The following COL4A5 variants were observed in gnomAD, a reference collection of about 807,000 sequenced individuals.
COL4A5 encodes collagen alpha-5(IV) chain.
A neutral mutation model predicts 130.2 loss-of-function variants in COL4A5; 26 were observed. The ratio of observed to expected loss-of-function variants is 0.20; its 90% CI spans 0.15 to 0.28. The LOEUF (loss-of-function observed/expected upper bound fraction) is 0.28, where lower values mean the gene tolerates loss of function less well. Among genes scored for constraint, COL4A5 ranks in the 10% least tolerant of loss-of-function variants. The pLI, the probability that COL4A5 is intolerant of heterozygous loss-of-function variation, is 1.00. For missense variants in COL4A5, 1,131 were observed against 1,344.3 expected (o/e 0.84, Z 2.48); for synonymous variants, 496 against 439.6 (o/e 1.13, Z -1.60).
chrX:108,520,235 A>G (rs1388664925), intron 1 of COL4A5, among the ~76,000 whole-genome samples: 1 of 111,458 alleles, frequency 9.0e-6, no homozygotes, highest in Admixed American at 9.5e-5. Flanking sequence ...GTTCTAGCTT[A>G]ATTACATTAT....
chrX:108,694,440 A>G, intron 50 of COL4A5: 1 of 228,590 alleles, frequency 4.4e-6, no homozygotes, highest in Non-Finnish European at 8.0e-6. Flanking sequence ...TTTCAGCATT[A>G]CTAAATGTCT....
chrX:108,447,037 A>G (rs887785983), intron 1 of COL4A5, among the ~76,000 whole-genome samples: 9 of 111,468 alleles, frequency 8.1e-5, no homozygotes, highest in Non-Finnish European at 1.7e-4. Flanking sequence ...TAACAGTGGT[A>G]TAACATACTC....
intron 10 of COL4A5, among the ~76,000 whole-genome samples, chrX:108,576,486 G>A (rs1209676404): frequency 1.8e-5 from 2 of 111,663 alleles, no homozygotes; most frequent in African/African-American, 3.3e-5. Flanking sequence ...ATGTGCAACC[G>A]GTTCTCTTAC....
intron 1 of COL4A5, among the ~76,000 whole-genome samples, chrX:108,498,626 T>C (rs2065053462): frequency 9.0e-6 from 1 of 111,371 alleles, no homozygotes; most frequent in Non-Finnish European, 1.9e-5. Context: ...TATATGAGTC[T>C]AGCATATATT....
intron 1 of COL4A5, chrX:108,440,503 T>C: frequency 6.4e-6 from 2 of 312,061 alleles, no homozygotes; most frequent in Non-Finnish European, 1.1e-5. Context: ...CACTAGGCTG[T>C]GGTGGGTATT....
At chrX:108,519,688 C>T (rs2065249016) in intron 1 of COL4A5, among the ~76,000 whole-genome samples, 1 of 110,743 alleles carries the variant, frequency 9.0e-6, no homozygotes, top group South Asian at 3.7e-4. Context: ...TTTATCTTTT[C>T]CCTATAGTTT....
intron 1 of COL4A5, among the ~76,000 whole-genome samples, chrX:108,487,452 A>G (rs1419972953): frequency 9.1e-6 from 1 of 109,382 alleles, no homozygotes; most frequent in Non-Finnish European, 1.9e-5. Flanking sequence ...TCACACCAAC[A>G]TCTATTATTT....
In COL4A5 at chrX:108,440,562, C is replaced by A. The variant is rs148993719; in HGVS notation, c.81+356C>A. ...CACCGTCGGGTGTTTCCCTGCCTGG[C>A]GACTAACCTTTTCACTACTTGTACC... On this transcript the variant is annotated intron_variant, in intron 1 of 52. Transcript: ENST00000328300. The A allele has an allele frequency of 2.8e-4, 61 of 219,877 alleles. 1 individual carries two copies. The highest frequency in any genetic ancestry group is 1.8e-3 in the African/African-American group (61 of 34,006). 18.1% of individuals were successfully genotyped at this position (219,877 alleles called of 1,213,427 possible). A position where few individuals can be genotyped will look rare whatever the true frequency, so the allele number is the denominator to read the frequency against.
chrX:108,626,823 T>A (rs2067162602), intron 36 of COL4A5: 2 of 777,086 alleles, frequency 2.6e-6, no homozygotes, highest in Admixed American at 1.5e-4. Flanking sequence ...ATGTGAAAAC[T>A]TTGGTGGTGT....
chrX:108,680,944 A>G lies in COL4A5; in HGVS notation c.4075A>G (p.Ile1359Val), dbSNP rs748850424. Reference protein sequence around the residue: ...SAGPEGEPGLIGPPGPPGLPG... With the variant: ...SAGPEGEPGLVGPPGPPGLPG... The stretch of plus-strand genomic sequence containing the variant: ...TGGCCCTGAGGGGGAACCGGGACTT[A>G]TTGGTCCTCCAGGTAAGACTTATTC... The change falls in exon 46 of 53, where the codon ATT (isoleucine) becomes GTT (valine). Residue 1359 changes from isoleucine (I) to valine (V), a missense_variant. By Grantham distance (29) the Ile-to-Val change is conservative. Coordinates refer to ENST00000328300, the MANE Select transcript of COL4A5 (RefSeq NM_033380.3). The G allele has an allele frequency of 1.4e-5, 17 of 1,205,433 alleles. No individual in the cohort carries two copies. The African/African-American group carries it at 2.3e-4, about 16-fold the overall frequency.
intron 16 of COL4A5, among the ~76,000 whole-genome samples, chrX:108,581,505 C>A (rs969407085): frequency 9.0e-6 from 1 of 111,579 alleles, no homozygotes; most frequent in Non-Finnish European, 1.9e-5. Context: ...ACACTTCCAT[C>A]ACCTTCAAAA....
chrX:108,538,936 A>G (rs1216690075), intron 1 of COL4A5, among the ~76,000 whole-genome samples: 1 of 112,010 alleles, frequency 8.9e-6, no homozygotes, highest in Admixed American at 9.5e-5. Context: ...GCCTGTTTAG[A>G]ACATCTAGAC....
At chrX:108,501,024 T>C (rs979027186) in intron 1 of COL4A5, among the ~76,000 whole-genome samples, 17 of 111,288 alleles carry the variant, frequency 1.5e-4, no homozygotes, top group African/African-American at 4.6e-4. Context: ...AAAATTTGCC[T>C]AATTCCTGAA....
At chrX:108,515,518 C>G (rs1012792667) in intron 1 of COL4A5, among the ~76,000 whole-genome samples, 1 of 111,434 alleles carries the variant, frequency 9.0e-6, no homozygotes, top group Non-Finnish European at 1.9e-5. Flanking sequence ...TATTAAATCT[C>G]TTTCTCACCC....
At chrX:108,541,729 C>T (rs2065542992) in intron 2 of COL4A5, among the ~76,000 whole-genome samples, 1 of 112,452 alleles carries the variant, frequency 8.9e-6, no homozygotes, top group South Asian at 3.7e-4. Context: ...CAAAAAGGAA[C>T]AGCTGGAAGT....
At chrX:108,468,909 G>T (rs2147503819) in intron 1 of COL4A5, among the ~76,000 whole-genome samples, 1 of 110,907 alleles carries the variant, frequency 9.0e-6, no homozygotes, top group African/African-American at 3.3e-5. Context: ...CTTTTTGGAA[G>T]AGTGCGAGAG....
intron 50 of COL4A5, chrX:108,694,409 C>G (rs906557281): frequency 5.3e-6 from 1 of 187,132 alleles, no homozygotes; most frequent in African/African-American, 3.0e-5. Flanking sequence ...TCCAGTCTTT[C>G]TGACATTGTT....
chrX:108,604,238 A>G (rs1287561162), intron 28 of COL4A5, among the ~76,000 whole-genome samples: 1 of 112,500 alleles, frequency 8.9e-6, no homozygotes, highest in Non-Finnish European at 1.9e-5. Context: ...ATCACTATTT[A>G]TGACAGCTAT....
At chrX:108,561,016 A>G (rs932922918) in intron 3 of COL4A5, among the ~76,000 whole-genome samples, 1 of 111,461 alleles carries the variant, frequency 9.0e-6, no homozygotes, top group Non-Finnish European at 1.9e-5. Flanking sequence ...ACATCCCAGG[A>G]GGTATTTTCT....
Sources: allele counts gnomAD v4.1 joint callset (sites outside exome capture counted in the v4.1 genomes callset), GRCh38; gene constraint gnomAD v4.1.1; transcripts MANE v1.5; gene names NCBI Gene and HGNC (gene_info 2026-07-23, HGNC 2026-07-21).